The following DDX43 variants were observed in gnomAD, a reference collection of about 807,000 sequenced individuals.
DDX43 encodes the protein DEAD-box helicase 43, also known as probable ATP-dependent RNA helicase DDX43.
In DDX43, 50 loss-of-function variants were observed where a neutral mutation model predicts 84.9. That is an observed-to-expected ratio of 0.59 (90% CI 0.47 to 0.75). DDX43 has a LOEUF of 0.75. Among genes scored for constraint, DDX43 ranks in the 30% least tolerant of loss-of-function variants. The pLI is 0.00. For missense variants in DDX43, 689 were observed against 798.6 expected (o/e 0.86, Z 1.65); for synonymous variants, 291 against 266.3 (o/e 1.09, Z -0.90).
intron 15 of DDX43, among the ~76,000 whole-genome samples, chr6:73,415,873 G>C (rs1325514348): frequency 1.3e-5 from 2 of 152,150 alleles, no homozygotes; most frequent in African/African-American, 4.8e-5. Flanking sequence ...TTCAGGCTCA[G>C]AGGTAAGAAA....
chr6:73,395,010 G>A lies in DDX43; in HGVS notation c.105G>A (p.Leu35=). The A allele has an allele frequency of 6.2e-7, 1 of 1,614,262 alleles. No individual in the cohort carries two copies. Among genetic ancestry groups the A allele is most frequent in the East Asian group, 2.2e-5 (1 of 44,894 alleles). Residue 35 remains leucine (L), a synonymous_variant, in exon 1 of 17, where the codon TTG becomes TTA. Coordinates refer to ENST00000370336, the MANE Select transcript of DDX43 (RefSeq NM_018665.3). ...RAPERRPAEE[L]NRTGPEGYSV... ...CAGAGAGGAGGCCGGCGGAGGAGTT[G>A]AATCGAACAGGTCCTGAGGGATATA...
At chr6:73,404,160 G>A (rs1769630540) in intron 4 of DDX43, among the ~76,000 whole-genome samples, 1 of 152,022 alleles carries the variant, frequency 6.6e-6, no homozygotes, top group Admixed American at 6.6e-5. Context: ...TTGTTGCCCA[G>A]GCTGGAGTGC....
intron 1 of DDX43, 140 bp from the exon 2 acceptor site, chr6:73,397,549 C>T (rs1769495298): frequency 5.8e-6 from 4 of 685,422 alleles, no homozygotes; most frequent in Admixed American, 5.2e-5. Flanking sequence ...TTACTTCCCT[C>T]TTTCCAAACA....
intron 11 of DDX43, among the ~76,000 whole-genome samples, chr6:73,412,504 G>T (rs986442267): frequency 2.5e-4 from 38 of 151,018 alleles, no homozygotes; most frequent in African/African-American, 8.5e-4. Flanking sequence ...TATGTATAGA[G>T]AGAGAGAGAG....
chr6:73,400,200 T>G, intron 2 of DDX43, 34 bp from the exon 3 acceptor site: 2 of 1,545,536 alleles, frequency 1.3e-6, no homozygotes, highest in Non-Finnish European at 1.7e-6. Flanking sequence ...TTAGGGAAAT[T>G]TTAAGTCTCA....
At chr6:73,415,441 C>T (rs769330419) in intron 14 of DDX43, 56 bp from the exon 15 acceptor site, 43 of 1,272,016 alleles carry the variant, frequency 3.4e-5, no homozygotes, top group Middle Eastern at 1.9e-4. Context: ...TTTCATTTGT[C>T]TTATTCTGTA....
chr6:73,405,250 A>G (rs76047046), intron 5 of DDX43, among the ~76,000 whole-genome samples: 2,975 of 152,292 alleles, frequency 0.02, 38 homozygotes, highest in East Asian at 0.062. Flanking sequence ...GGAATAGCAG[A>G]ATGGTTAAGG....
In DDX43 at chr6:73,394,873, G is replaced by A; in HGVS notation, c.-33G>A. ...CGGTCAGGTGGTGCAGAGCTGGACG[G>A]CAACGACGTCGGACGCGCCCCTTCT... On this transcript the variant is annotated 5_prime_UTR_variant, in exon 1 of 17. Coordinates refer to ENST00000370336, the MANE Select transcript of DDX43 (RefSeq NM_018665.3). 6.2e-7 allele frequency: 1 copy of A among 1,608,982 alleles called. No individual in the cohort carries two copies. Among genetic ancestry groups the A allele is most frequent in the Non-Finnish European group, 8.5e-7 (1 of 1,177,252 alleles).
chr6:73,414,731 C>T (rs762554613), intron 14 of DDX43, 45 bp downstream of exon 14: 5 of 1,530,688 alleles, frequency 3.3e-6, no homozygotes, highest in Admixed American at 2.2e-5. Context: ...TCTAGATTCT[C>T]CTTATTCCTC....
chr6:73,416,067 A>G, intron 15 of DDX43, 46 bp from the exon 16 acceptor site: 1 of 1,008,800 alleles, frequency 9.9e-7, no homozygotes, highest in Non-Finnish European at 1.6e-6. Flanking sequence ...TTAGTGTTGT[A>G]GAAAAGAACT....
chr6:73,410,695 C>T (rs12205725), intron 10 of DDX43, among the ~76,000 whole-genome samples: 2,196 of 152,266 alleles, frequency 0.014, 13 homozygotes, highest in Non-Finnish European at 0.022. Flanking sequence ...CCAGCTCAAG[C>T]GATTCTCCCA....
chr6:73,398,569 G>A (rs1005445661), intron 2 of DDX43, among the ~76,000 whole-genome samples: 1 of 152,070 alleles, frequency 6.6e-6, no homozygotes, highest in Non-Finnish European at 1.5e-5. Context: ...AAAATCGTTA[G>A]AGATAATCTG....
chr6:73,414,810 A>G (rs1380277029), intron 14 of DDX43, 124 bp downstream of exon 14: 1 of 851,992 alleles, frequency 1.2e-6, no homozygotes, highest in Admixed American at 2.7e-5. Flanking sequence ...TTCCCAGATT[A>G]TACTTGCTAC....
intron 5 of DDX43, among the ~76,000 whole-genome samples, chr6:73,405,014 G>A (rs1769644324): frequency 6.6e-6 from 1 of 151,746 alleles, no homozygotes; most frequent in Non-Finnish European, 1.5e-5. Context: ...GTGTAATTGA[G>A]CAAATGAATG....
chr6:73,404,918 A>G, intron 5 of DDX43, 147 bp downstream of exon 5: 1 of 700,984 alleles, frequency 1.4e-6, no homozygotes. Context: ...ATTTTAGAAC[A>G]TTGTTGTCTA....
chr6:73,400,106 C>T, intron 2 of DDX43, 128 bp from the exon 3 acceptor site: 1 of 665,266 alleles, frequency 1.5e-6, no homozygotes, highest in South Asian at 2.8e-5. Flanking sequence ...GGTGGTAATA[C>T]TGTATTTACT....
chr6:73,404,774 G>A lies in DDX43; in HGVS notation c.650+3G>A. The stretch of plus-strand genomic sequence containing the variant: ...AAAGTAGAAGCAGATAGTTGGAGGT[G>A]GGTAGTTTCATTACCTAGTTGTGTA... On this transcript the variant is annotated splice_donor_region_variant and intron_variant, in intron 5 of 16. Coordinates refer to ENST00000370336, the MANE Select transcript of DDX43 (RefSeq NM_018665.3). 3.1e-6 allele frequency: 5 copies of A among 1,608,834 alleles called. No homozygotes were observed. Among genetic ancestry groups the A allele is most frequent in the Middle Eastern group, 1.7e-4 (1 of 6,050 alleles).
intron 5 of DDX43, among the ~76,000 whole-genome samples, 167 bp downstream of exon 5, chr6:73,404,938 C>A (rs1769642744): frequency 6.6e-6 from 1 of 152,098 alleles, no homozygotes; most frequent in South Asian, 2.1e-4. Flanking sequence ...AGTAAAACTT[C>A]CTGCAGTGAT....
intron 2 of DDX43, among the ~76,000 whole-genome samples, chr6:73,398,678 C>G (rs1421596717): frequency 6.6e-6 from 1 of 152,204 alleles, no homozygotes; most frequent in Non-Finnish European, 1.5e-5. Flanking sequence ...TCCAAAAGGT[C>G]TTCCTTCCAG....
Sources: allele counts gnomAD v4.1 joint callset (sites outside exome capture counted in the v4.1 genomes callset), GRCh38; gene constraint gnomAD v4.1.1; transcripts MANE v1.5; gene names NCBI Gene and HGNC (gene_info 2026-07-23, HGNC 2026-07-21).